The following CDH13 variants were observed in gnomAD, a reference collection of about 807,000 sequenced individuals.
The protein encoded by CDH13 is cadherin-13.
Under a neutral mutation model 63.8 loss-of-function variants are expected in CDH13, and 24 were observed. The ratio of observed to expected loss-of-function variants is 0.38; its 90% CI spans 0.27 to 0.53. The LOEUF is 0.53. Ranked by LOEUF, CDH13 falls within the 20% of genes least tolerant of loss-of-function variation. The pLI is 0.85. For missense variants in CDH13, 1,049 were observed against 903.1 expected, an observed-to-expected ratio of 1.16 and a Z score of -2.07; for synonymous variants, 503 against 355.3, an observed-to-expected ratio of 1.42 and a Z score of -4.67.
At chr16:83,053,041 C>T (rs979921117) in intron 3 of CDH13, among the ~76,000 whole-genome samples, 1 of 152,018 alleles carries the variant, frequency 6.6e-6, no homozygotes, top group African/African-American at 2.4e-5. Flanking sequence ...CTAACTTTTT[C>T]TGTTGGTGAA....
At chr16:83,567,667 C>A (rs1283564245) in intron 7 of CDH13, among the ~76,000 whole-genome samples, 1 of 152,178 alleles carries the variant, frequency 6.6e-6, no homozygotes, top group Non-Finnish European at 1.5e-5. Context: ...GCGATCTGGG[C>A]TCGCTGCAAG....
At chr16:83,078,678 A>T (rs982603763) in intron 3 of CDH13, among the ~76,000 whole-genome samples, 1 of 152,230 alleles carries the variant, frequency 6.6e-6, no homozygotes, top group African/African-American at 2.4e-5. Context: ...GTAGTTTCCC[A>T]TCTGGCACTG....
intron 10 of CDH13, among the ~76,000 whole-genome samples, chr16:83,730,055 C>G (rs1053458747): frequency 8.5e-5 from 13 of 152,204 alleles, no homozygotes; most frequent in Non-Finnish European, 4.4e-5. Flanking sequence ...AGATTTACTT[C>G]GTATGTGTTG....
At chr16:82,853,002 A>G (rs1183312653) in intron 1 of CDH13, among the ~76,000 whole-genome samples, 1 of 152,234 alleles carries the variant, frequency 6.6e-6, no homozygotes, top group Non-Finnish European at 1.5e-5. Flanking sequence ...AGAAAGAACG[A>G]AAGTTCTGTA....
intron 5 of CDH13, among the ~76,000 whole-genome samples, chr16:83,228,058 C>T (rs11640185): frequency 6.6e-6 from 1 of 152,148 alleles, no homozygotes; most frequent in Non-Finnish European, 1.5e-5. Flanking sequence ...GGAAGGCCCT[C>T]CTGGGAGGGG....
chr16:83,044,864 A>G (rs1467744730), intron 3 of CDH13, among the ~76,000 whole-genome samples: 1 of 152,188 alleles, frequency 6.6e-6, no homozygotes, highest in Admixed American at 6.5e-5. Context: ...CATAGATGGA[A>G]TATAGTGTTG....
At chr16:83,622,056 T>C (rs1203111338) in intron 8 of CDH13, among the ~76,000 whole-genome samples, 1 of 152,202 alleles carries the variant, frequency 6.6e-6, no homozygotes, top group Non-Finnish European at 1.5e-5. Flanking sequence ...ATAAAAAAAT[T>C]CATCCATATA....
intron 3 of CDH13, among the ~76,000 whole-genome samples, chr16:83,039,435 C>G (rs1917147023): frequency 6.6e-6 from 1 of 152,172 alleles, no homozygotes; most frequent in African/African-American, 2.4e-5. Context: ...GCCTCTTGTC[C>G]CCATCCCAAG....
chr16:83,706,061 G>T (rs1265919583), intron 10 of CDH13, among the ~76,000 whole-genome samples: 1 of 152,206 alleles, frequency 6.6e-6, no homozygotes, highest in African/African-American at 2.4e-5. Context: ...ACTGGGAGCA[G>T]CCTATCTCTG....
chr16:83,521,121 C>G (rs1352396899), intron 7 of CDH13, among the ~76,000 whole-genome samples: 1 of 152,204 alleles, frequency 6.6e-6, no homozygotes, highest in Non-Finnish European at 1.5e-5. Context: ...ACCCCATCAC[C>G]ACAGTGCCAC....
At chr16:83,105,560 C>T (rs2034723254) in intron 3 of CDH13, among the ~76,000 whole-genome samples, 1 of 151,874 alleles carries the variant, frequency 6.6e-6, no homozygotes, top group African/African-American at 2.4e-5. Context: ...GGGCCACCCT[C>T]AGGAAAGGAA....
At chr16:83,566,472 A>G (rs1904281334) in intron 7 of CDH13, among the ~76,000 whole-genome samples, 1 of 151,982 alleles carries the variant, frequency 6.6e-6, no homozygotes, top group Non-Finnish European at 1.5e-5. Flanking sequence ...ATATACTGTT[A>G]GATAAGGTTC....
chr16:83,496,814 G>GA (rs1293587964), intron 7 of CDH13, among the ~76,000 whole-genome samples: 3 of 151,928 alleles, frequency 2.0e-5, no homozygotes, highest in African/African-American at 7.3e-5. Flanking sequence ...AAATTTACAA[G>GA]AAAAAAACAA....
intron 6 of CDH13, among the ~76,000 whole-genome samples, chr16:83,483,067 G>T (rs1311316621): frequency 1.3e-5 from 2 of 152,206 alleles, no homozygotes; most frequent in Non-Finnish European, 2.9e-5. Context: ...AAAGGGGAAT[G>T]TTGAAAACAG....
At chr16:82,993,138 GTCTACAC>G (rs1911842033) in intron 2 of CDH13, among the ~76,000 whole-genome samples, 1 of 151,884 alleles carries the variant, frequency 6.6e-6, no homozygotes, top group South Asian at 2.1e-4. Context: ...ACTAATAACT[GTCTACAC>G]TCTTTCTGCC....
intron 11 of CDH13, among the ~76,000 whole-genome samples, chr16:83,750,556 G>A (rs1912998178): frequency 6.6e-6 from 1 of 152,162 alleles, no homozygotes; most frequent in African/African-American, 2.4e-5. Flanking sequence ...GTTAAGGTGA[G>A]GTCATGCTGG....
At chr16:83,273,629 C>A (rs1394795158) in intron 5 of CDH13, among the ~76,000 whole-genome samples, 1 of 152,162 alleles carries the variant, frequency 6.6e-6, no homozygotes, top group Non-Finnish European at 1.5e-5. Flanking sequence ...AAGAAGCCAA[C>A]AGGGAGGCCC....
intron 7 of CDH13, among the ~76,000 whole-genome samples, chr16:83,594,843 G>A (rs1240485216): frequency 6.6e-6 from 1 of 152,220 alleles, no homozygotes; most frequent in Non-Finnish European, 1.5e-5. Context: ...TGGATTAAGT[G>A]CCAGATTTAA....
intron 6 of CDH13, among the ~76,000 whole-genome samples, chr16:83,433,054 C>G (rs1163982701): frequency 6.6e-6 from 1 of 152,176 alleles, no homozygotes; most frequent in Admixed American, 6.5e-5. Context: ...CCTTGGCTCT[C>G]TTACTGTGTC....
Sources: allele counts gnomAD v4.1 joint callset (sites outside exome capture counted in the v4.1 genomes callset), GRCh38; gene constraint gnomAD v4.1.1; transcripts MANE v1.5; gene names NCBI Gene and HGNC (gene_info 2026-07-23, HGNC 2026-07-21).